Variants in ADGRD1 observed in about 807,000 individuals in gnomAD.
The protein encoded by ADGRD1 is G-protein coupled receptor 133.
Under a neutral mutation model 113.4 loss-of-function variants are expected in ADGRD1, and 77 were observed. That is an observed-to-expected ratio of 0.68 (90% confidence interval 0.57 to 0.82). The LOEUF is 0.82. ADGRD1 is among the 40% of genes least tolerant of loss of function. The pLI, the probability that ADGRD1 is intolerant of heterozygous loss-of-function variation, is 0.00. For missense variants in ADGRD1, 1,036 were observed against 1,139.1 expected (o/e 0.91, Z 1.30); for synonymous variants, 474 against 475.0 (o/e 1.00, Z 0.03).
chr12:131,090,239 A>G (rs927657781), intron 15 of ADGRD1, among the ~76,000 whole-genome samples: 4 of 152,178 alleles, frequency 2.6e-5, no homozygotes, highest in African/African-American at 9.7e-5. Flanking sequence ...GAACATTCTC[A>G]TCAACATTAA....
intron 20 of ADGRD1, among the ~76,000 whole-genome samples, chr12:131,123,039 G>GTTTTTTTTTTTTTTTTTTTTT (rs552353187): frequency 2.9e-4 from 15 of 51,372 alleles, no homozygotes; most frequent in East Asian, 5.7e-4. Context: ...TACCTGGGGA[G>GTTTTTTTTTTTTTTTTTTTTT]TTTTTTTTTT....
chr12:130,986,310 CTTG>C (rs1566002341), intron 5 of ADGRD1, among the ~76,000 whole-genome samples: 2 of 152,024 alleles, frequency 1.3e-5, no homozygotes, highest in Non-Finnish European at 1.5e-5. Context: ...TTATTTAGTT[CTTG>C]TTTAATTTCT....
chr12:130,975,958 G>A lies in ADGRD1; in HGVS notation c.310+4378G>A, dbSNP rs192188751. Reference sequence around the variant, plus strand: ...GCTTCACCTTCCTCCCTCTGTGAATGTTTCCTTTGCTTTTTCCTCACATGC... The same window carrying A: ...GCTTCACCTTCCTCCCTCTGTGAATATTTCCTTTGCTTTTTCCTCACATGC... On this transcript the variant is annotated intron_variant, in intron 4 of 24. Coordinates refer to ENST00000261654, the MANE Select transcript of ADGRD1 (RefSeq NM_198827.5). Among the ~76,000 whole-genome samples, 177 of 152,264 alleles carry A rather than the reference G, an allele frequency of 1.2e-3. 1 individual carries two copies. The highest frequency in any genetic ancestry group is 4.1e-3 in the African/African-American group (170 of 41,534).
At chr12:130,972,544 G>T (rs1048217145) in intron 4 of ADGRD1, among the ~76,000 whole-genome samples, 4 of 152,080 alleles carry the variant, frequency 2.6e-5, no homozygotes, top group African/African-American at 9.7e-5. Flanking sequence ...CCACGGTCAG[G>T]TTTACAAACT....
At chr12:131,110,196 T>C (rs1950319546) in intron 18 of ADGRD1, among the ~76,000 whole-genome samples, 2 of 152,260 alleles carry the variant, frequency 1.3e-5, no homozygotes, top group African/African-American at 2.4e-5. Flanking sequence ...TCCCATGTAA[T>C]GTTATGACAC....
intron 13 of ADGRD1, among the ~76,000 whole-genome samples, chr12:131,056,670 A>C (rs1161905786): frequency 6.6e-6 from 1 of 152,232 alleles, no homozygotes; most frequent in Non-Finnish European, 1.5e-5. Context: ...CTGAGAAGAA[A>C]AATAGTCTGG....
chr12:131,024,988 C>G (rs1012956250), intron 13 of ADGRD1, among the ~76,000 whole-genome samples: 1 of 152,200 alleles, frequency 6.6e-6, no homozygotes. Context: ...TCTCACCTCC[C>G]GGCTCCAGTG....
intron 13 of ADGRD1, among the ~76,000 whole-genome samples, chr12:131,044,594 G>A (rs552215544): frequency 6.6e-6 from 1 of 152,318 alleles, no homozygotes; most frequent in East Asian, 1.9e-4. Flanking sequence ...AATGCTGGCA[G>A]TGTCCTTTTC....
At chr12:131,042,562 C>T (rs1593104321) in intron 13 of ADGRD1, among the ~76,000 whole-genome samples, 2 of 152,198 alleles carry the variant, frequency 1.3e-5, no homozygotes, top group Admixed American at 6.5e-5. Context: ...CTTGAGGACT[C>T]GTCACTCTCC....
chr12:131,112,103 CTTAT>C (rs2137367537), intron 18 of ADGRD1, among the ~76,000 whole-genome samples: 1 of 150,732 alleles, frequency 6.6e-6, no homozygotes, highest in South Asian at 2.1e-4. Flanking sequence ...TCCTTGCTTG[CTTAT>C]TTATTTGTTT....
chr12:131,021,276 C>T lies in ADGRD1; in HGVS notation c.1473+6936C>T, dbSNP rs551076608. Among the ~76,000 whole-genome samples, 18 of 152,152 alleles carry T rather than the reference C, an allele frequency of 1.2e-4. 1 individual carries two copies. In the East Asian group the frequency reaches 3.1e-3, roughly 26 times the overall value. On this transcript the variant is annotated intron_variant, in intron 13 of 24. Transcript: ENST00000261654. ...CTCACTTGCAGCTTTTTTTCAGTCC[C>T]GGGGTCTCATCTCGGCTGGCACAGA... is the stretch of plus-strand genomic sequence containing the variant.
At position 131,075,020 on chromosome 12, in the gene ADGRD1, C is replaced by T. The variant is rs945551955; in HGVS notation, c.1474-1781C>T. Among the ~76,000 whole-genome samples, 4 of 152,132 alleles carry T rather than the reference C, an allele frequency of 2.6e-5. No individual in the cohort carries two copies. Among genetic ancestry groups the T allele is most frequent in the African/African-American group, 4.8e-5 (2 of 41,418 alleles). On this transcript the variant is annotated intron_variant, in intron 13 of 24. Transcript: ENST00000261654. This position sits in a 1 kb window ranked among gnomAD's most constrained non-coding sequence, Gnocchi z 5.3. ...TGCGCTTCCACACGTGGGGCAGAGG[C>T]GGGGGCTGGCACTGGGTGAGGGGGT...
intron 13 of ADGRD1, among the ~76,000 whole-genome samples, chr12:131,028,880 C>T (rs1020331505): frequency 3.3e-5 from 5 of 152,190 alleles, no homozygotes; most frequent in Non-Finnish European, 7.3e-5. Flanking sequence ...CAGGCGGCCT[C>T]GGCTATTTTT....
intron 19 of ADGRD1, 41 bp downstream of exon 19, chr12:131,118,492 T>C (rs1950518676): frequency 6.8e-7 from 1 of 1,469,606 alleles, no homozygotes; most frequent in African/African-American, 1.4e-5. Flanking sequence ...AGGCGTTCCA[T>C]GGAACAGCTT....
chr12:131,029,805 C>G (rs1880430681), intron 13 of ADGRD1, among the ~76,000 whole-genome samples: 1 of 151,110 alleles, frequency 6.6e-6, no homozygotes, highest in Admixed American at 6.6e-5. Flanking sequence ...GTTGTGGACC[C>G]CTCTTAACGG....
intron 18 of ADGRD1, among the ~76,000 whole-genome samples, chr12:131,111,247 C>T (rs1446489333): frequency 6.6e-6 from 1 of 152,170 alleles, no homozygotes; most frequent in Non-Finnish European, 1.5e-5. Context: ...TACAGGCCAC[C>T]ATGCCTGGCT....
At chr12:131,068,669 A>G (rs1050967457) in intron 13 of ADGRD1, among the ~76,000 whole-genome samples, 1 of 152,242 alleles carries the variant, frequency 6.6e-6, no homozygotes, top group East Asian at 1.9e-4. Flanking sequence ...TTGTTTCTGT[A>G]AGTCATCCAA....
chr12:131,105,629 G>A (rs1950216754), intron 16 of ADGRD1, 125 bp from the exon 17 acceptor site: 1 of 676,980 alleles, frequency 1.5e-6, no homozygotes. Flanking sequence ...ACAGCAGGGA[G>A]TGACAGCAAC....
intron 13 of ADGRD1, among the ~76,000 whole-genome samples, chr12:131,049,020 G>A (rs949422190): frequency 1.3e-5 from 2 of 152,212 alleles, no homozygotes; most frequent in African/African-American, 4.8e-5. Flanking sequence ...TTAAGGGATG[G>A]GAGAGAGGGC....
Sources: gnomAD v4.1 joint callset for allele counts (sites outside exome capture counted in the v4.1 genomes callset) on GRCh38, gnomAD v4.1.1 for gene constraint, Gnocchi (gnomAD v3.1) non-coding constraint, MANE v1.5 for transcripts, NCBI Gene and HGNC (gene_info 2026-07-23, HGNC 2026-07-21) for gene names.